The following EMC2 variants were observed in gnomAD, a reference collection of about 807,000 sequenced individuals.
EMC2 encodes ER membrane protein complex subunit 2.
Under a neutral mutation model 51.6 loss-of-function variants are expected in EMC2, and 37 were observed. The ratio of observed to expected loss-of-function variants is 0.72; its 90% CI spans 0.55 to 0.94. The LOEUF (loss-of-function observed/expected upper bound fraction) is 0.94, where lower values mean the gene tolerates loss of function less well. Among genes scored for constraint, EMC2 ranks in the 40% least tolerant of loss-of-function variants. EMC2 has a pLI of 0.00. For missense variants in EMC2, 359 were observed against 350.9 expected (o/e 1.02, Z -0.18); for synonymous variants, 131 against 112.4 (o/e 1.17, Z -1.04).
chr8:108,445,081 G>A (rs1460314360), intron 1 of EMC2, among the ~76,000 whole-genome samples: 2 of 152,278 alleles, frequency 1.3e-5, no homozygotes, highest in South Asian at 2.1e-4. Flanking sequence ...CCTGAGGGAC[G>A]AGTAGCTGTA....
At chr8:108,484,156 A>G (rs1247932348) in intron 10 of EMC2, among the ~76,000 whole-genome samples, 3 of 152,066 alleles carry the variant, frequency 2.0e-5, no homozygotes. Context: ...TTCCAGATAA[A>G]TCCTTCTTTG....
chr8:108,477,977 G>A (rs1478292588), intron 9 of EMC2, among the ~76,000 whole-genome samples: 1 of 152,036 alleles, frequency 6.6e-6, no homozygotes, highest in Non-Finnish European at 1.5e-5. Flanking sequence ...AAATGATCGA[G>A]TTGGGTTTCC....
chr8:108,486,540 A>C lies in EMC2; in HGVS notation c.836A>C (p.Lys279Thr), dbSNP rs754919720. Residue 279 changes from lysine to threonine, a missense_variant, in exon 11 of 11, where the codon AAA becomes ACA. Coordinates refer to ENST00000220853, the MANE Select transcript of EMC2 (RefSeq NM_014673.5). ...GCAGGTCGAAGTAAGAAGGAAACCA[A>C]ATATTCTCTTAAGGCTGTCGAAGAC... ...QFAGRSKKETKYSLKAVEDML... is the reference protein window; with the variant it reads ...QFAGRSKKETTYSLKAVEDML... 6.3e-7 allele frequency: 1 copy of C among 1,598,376 alleles called. No homozygotes were observed. Among genetic ancestry groups the C allele is most frequent in the South Asian group, 1.1e-5 (1 of 87,262 alleles).
intron 5 of EMC2, among the ~76,000 whole-genome samples, chr8:108,458,308 C>T (rs1445027535): frequency 1.3e-5 from 2 of 152,152 alleles, no homozygotes; most frequent in Non-Finnish European, 2.9e-5. Context: ...GACGGTGGCC[C>T]TTTTCTCACA....
intron 8 of EMC2, among the ~76,000 whole-genome samples, chr8:108,476,325 TTA>T (rs1810945651): frequency 6.6e-6 from 1 of 151,134 alleles, no homozygotes; most frequent in Non-Finnish European, 1.5e-5. Flanking sequence ...ACATAAGTAT[TTA>T]TTTAATTTGC....
At chr8:108,454,807 A>G (rs1408722895) in intron 4 of EMC2, among the ~76,000 whole-genome samples, 1 of 152,010 alleles carries the variant, frequency 6.6e-6, no homozygotes, top group African/African-American at 2.4e-5. Context: ...TGTCTGGAGT[A>G]TATTTCTCTG....
In EMC2 at chr8:108,450,036, A is replaced by G. The variant is rs1165286341; in HGVS notation, c.154+100A>G. The G allele has an allele frequency of 5.9e-6, 3 of 506,190 alleles. No individual in the cohort carries two copies. The Admixed American group carries it at 1.1e-4, about 19-fold the overall frequency. 31.4% of individuals were successfully genotyped at this position (506,190 alleles called of 1,614,324 possible). A position where few individuals can be genotyped will look rare whatever the true frequency, so the allele number is the denominator to read the frequency against. ...CATTCATGATTTTTCTACTTGTCAT[A>G]TTAATTTTCTTTGTGACTTTTTGTC... On this transcript the variant is annotated intron_variant, in intron 2 of 10. Coordinates refer to ENST00000220853, the MANE Select transcript of EMC2 (RefSeq NM_014673.5).
At chr8:108,456,359 A>AAAAAAAAAAAAAAAAAC (rs1819158373) in intron 5 of EMC2, among the ~76,000 whole-genome samples, 6 of 149,954 alleles carry the variant, frequency 4.0e-5, no homozygotes, top group African/African-American at 1.5e-4. Context: ...AAAAAAAAAA[A>AAAAAAAAAAAAAAAAAC]AACAACTTCT....
Position 108,463,232 on chromosome 8 carries a change from G to A in EMC2, c.364-6594G>A, listed in dbSNP as rs547186918. On this transcript the variant is annotated intron_variant, in intron 5 of 10. Coordinates refer to ENST00000220853, the MANE Select transcript of EMC2 (RefSeq NM_014673.5). ...TTAGTTTTAGAGATAATGTGTCATCGAAATAGGATATATTTTGAAGGAGAT... is the reference window on the plus strand; with the variant it reads ...TTAGTTTTAGAGATAATGTGTCATCAAAATAGGATATATTTTGAAGGAGAT... Among the ~76,000 whole-genome samples the A allele has an allele frequency of 2.0e-4, 31 of 152,242 alleles. No individual in the cohort carries two copies. The East Asian group carries it at 5.6e-3, about 28-fold the overall frequency.
chr8:108,444,846 C>A (rs1818839372), intron 1 of EMC2, among the ~76,000 whole-genome samples: 1 of 152,130 alleles, frequency 6.6e-6, no homozygotes, highest in African/African-American at 2.4e-5. Context: ...ACACACAGTC[C>A]CCACTTCCAA....
At chr8:108,459,215 C>T (rs937430060) in intron 5 of EMC2, among the ~76,000 whole-genome samples, 7 of 152,210 alleles carry the variant, frequency 4.6e-5, no homozygotes, top group Admixed American at 4.6e-4. Flanking sequence ...AACTTTCCCA[C>T]ATTTTCCCAT....
chr8:108,486,227 A>G (rs1446062204), intron 10 of EMC2, among the ~76,000 whole-genome samples: 1 of 151,928 alleles, frequency 6.6e-6, no homozygotes, highest in Non-Finnish European at 1.5e-5. Flanking sequence ...TCTGAATAAG[A>G]TAGTTTCAAA....
At chr8:108,482,775 G>A (rs1408361306) in intron 10 of EMC2, among the ~76,000 whole-genome samples, 2 of 151,886 alleles carry the variant, frequency 1.3e-5, no homozygotes, top group African/African-American at 4.8e-5. Flanking sequence ...GTAGAGATGA[G>A]GTCCAGCTGT....
At chr8:108,443,837 G>GGAGGCT (rs1818811115) in intron 1 of EMC2, 139 bp downstream of exon 1, 6 of 710,000 alleles carry the variant, frequency 8.5e-6, no homozygotes, top group Non-Finnish European at 9.6e-6. Flanking sequence ...AAGCTGAGGT[G>GGAGGCT]GAGGCTGAGG....
At chr8:108,449,348 A>G (rs954363454) in intron 1 of EMC2, among the ~76,000 whole-genome samples, 1 of 150,580 alleles carries the variant, frequency 6.6e-6, no homozygotes, top group Non-Finnish European at 1.5e-5. Flanking sequence ...ATCTCGGCTC[A>G]CGCAATCTCT....
intron 7 of EMC2, chr8:108,474,119 T>G (rs1810906556): frequency 6.6e-6 from 1 of 152,010 alleles, no homozygotes; most frequent in Non-Finnish European, 1.5e-5. Flanking sequence ...GAAGGAGTCC[T>G]TTTCTCATAT....
chr8:108,456,390 A>AG (rs906610464), intron 5 of EMC2, among the ~76,000 whole-genome samples: 2 of 150,026 alleles, frequency 1.3e-5, no homozygotes, highest in African/African-American at 2.4e-5. Context: ...GTATTAGAGA[A>AG]GGGGCTAGTT....
intron 5 of EMC2, among the ~76,000 whole-genome samples, chr8:108,460,968 T>C (rs1020854228): frequency 2.0e-5 from 3 of 152,224 alleles, no homozygotes; most frequent in Admixed American, 2.0e-4. Flanking sequence ...ACTGTTTCTG[T>C]TCCTATATCC....
rs762219516 is a variant in EMC2 at position 108,476,907 on chromosome 8, A to G, written c.702+15A>G. 1 of 1,142,240 alleles carries G rather than the reference A, an allele frequency of 8.8e-7. No individual in the cohort carries two copies. The allele number at this position is 1,142,240 out of a possible 1,614,324, so 70.8% of individuals were successfully genotyped here. On this transcript the variant is annotated intron_variant, in intron 9 of 10. Coordinates refer to ENST00000220853, the MANE Select transcript of EMC2 (RefSeq NM_014673.5). ...GACTTTATATGGTGAGTTGAGGTGC[A>G]TGTTTAATGTTATTTTTAAAAATCT...
Sources: gnomAD v4.1 joint callset for allele counts (sites outside exome capture counted in the v4.1 genomes callset) on GRCh38, gnomAD v4.1.1 for gene constraint, MANE v1.5 for transcripts, NCBI Gene and HGNC (gene_info 2026-07-23, HGNC 2026-07-21) for gene names.